ATRN: variants seen among roughly 807,000 people sequenced by gnomAD.
ATRN encodes attractin, also known as attractin-2.
Under a neutral mutation model 178.7 loss-of-function variants are expected in ATRN, and 54 were observed. The observed-to-expected ratio is 0.30, with a 90% confidence interval of 0.24 to 0.38. The LOEUF (loss-of-function observed/expected upper bound fraction) is 0.38, where lower values mean the gene tolerates loss of function less well. ATRN is among the 10% of genes least tolerant of loss of function. The probability of loss-of-function intolerance (pLI) is 1.00; values close to 1 mark genes in which losing one functional copy is unlikely to be tolerated. For missense variants in ATRN, 1,443 were observed against 1,815.1 expected (o/e 0.79, Z 3.73); for synonymous variants, 636 against 663.0 (o/e 0.96, Z 0.63).
intron 3 of ATRN, among the ~76,000 whole-genome samples, chr20:3,542,096 A>G (rs1384418324): frequency 6.6e-6 from 1 of 152,224 alleles, no homozygotes; most frequent in Non-Finnish European, 1.5e-5. Context: ...AGCAGGGTGG[A>G]TGGCTGTGCT....
intron 24 of ATRN, among the ~76,000 whole-genome samples, chr20:3,611,042 A>G (rs1188858442): frequency 1.3e-5 from 2 of 152,192 alleles, no homozygotes; most frequent in Non-Finnish European, 1.5e-5. Context: ...TTAACGCAAT[A>G]TTGATCACAG....
intron 1 of ATRN, chr20:3,490,907 G>T: frequency 8.5e-7 from 1 of 1,171,604 alleles, no homozygotes; most frequent in Non-Finnish European, 1.3e-6. Context: ...GATCAGAATT[G>T]AGCGTGGACT....
At chr20:3,559,586 G>T in intron 7 of ATRN, 103 bp downstream of exon 7, 4 of 925,660 alleles carry the variant, frequency 4.3e-6, no homozygotes, top group Non-Finnish European at 6.7e-6. Context: ...TTTTAATTGG[G>T]GAAAACTTTT....
At position 3,582,289 on chromosome 20, in the gene ATRN, G is replaced by A. The variant is rs779689401; in HGVS notation, c.2699G>A (p.Ser900Asn). Residue 900 changes from serine (S) to asparagine (N), a missense_variant, in exon 16 of 29, where the codon AGT becomes AAT. Coordinates refer to ENST00000262919, the MANE Select transcript of ATRN (RefSeq NM_139321.3). ...TTCTGTGGAATTTTATCAGAACCCA[G>A]TACTCGGGGACTGAAGGCTGCAACC... ...AGFCGILSEP[S>N]TRGLKAATCI... is the part of the protein sequence containing the mutation. 4.3e-6 allele frequency: 7 copies of A among 1,612,852 alleles called. No individual in the cohort carries two copies. The highest frequency in any genetic ancestry group is 5.9e-6 in the Non-Finnish European group (7 of 1,180,020).
At chr20:3,481,791 CTTTTTTTTTT>C (rs780144563) in intron 1 of ATRN, among the ~76,000 whole-genome samples, 17 of 100,522 alleles carry the variant, frequency 1.7e-4, no homozygotes, top group African/African-American at 6.2e-4. Context: ...GGTGAATTTC[CTTTTTTTTTT>C]TTTTTTTTTT....
At chr20:3,523,806 C>A (rs974656565) in intron 1 of ATRN, among the ~76,000 whole-genome samples, 3 of 152,136 alleles carry the variant, frequency 2.0e-5, no homozygotes, top group Non-Finnish European at 2.9e-5. Context: ...AATTTCATAT[C>A]CAGCCAAACT....
At chr20:3,582,907 C>T (rs1568744609) in intron 16 of ATRN, among the ~76,000 whole-genome samples, 1 of 152,146 alleles carries the variant, frequency 6.6e-6, no homozygotes, top group Non-Finnish European at 1.5e-5. Context: ...CTTTCAGTCT[C>T]TCTGGGCTAC....
intron 22 of ATRN, among the ~76,000 whole-genome samples, chr20:3,600,487 ATATAATC>A (rs1483530828): frequency 5.3e-5 from 8 of 152,190 alleles, no homozygotes; most frequent in African/African-American, 1.9e-4. Context: ...TTTACACTGT[ATATAATC>A]TATGAGTTTA....
chr20:3,551,144 T>G (rs2085780737), intron 6 of ATRN, among the ~76,000 whole-genome samples: 1 of 152,228 alleles, frequency 6.6e-6, no homozygotes, highest in Non-Finnish European at 1.5e-5. Context: ...CTCAGCAGAT[T>G]GGAGCTGTCT....
At chr20:3,521,105 A>T (rs955963575) in intron 1 of ATRN, among the ~76,000 whole-genome samples, 1 of 152,100 alleles carries the variant, frequency 6.6e-6, no homozygotes, top group Admixed American at 6.6e-5. Context: ...TTGAGAGGGG[A>T]GGTTGGGAGG....
chr20:3,490,053 T>C lies in ATRN; in HGVS notation c.410+18536T>C. The C allele has an allele frequency of 6.0e-6, 7 of 1,164,896 alleles. No individual in the cohort carries two copies. The South Asian group carries it at 7.3e-5, about 12-fold the overall frequency. 72.2% of individuals were successfully genotyped at this position (1,164,896 alleles called of 1,614,324 possible). On this transcript the variant is annotated intron_variant, in intron 1 of 28. Transcript: ENST00000262919. ...CAGAGTATTCATAGATCTGGGCTTC[T>C]AGAAAAGCAATGTCTTTGTTCTCTC...
In ATRN at chr20:3,578,769, C is replaced by T; in HGVS notation, c.2541C>T (p.Ser847=). ...KQLRIMQSSQ[S]MSKLTLTPWV... ...TGCGAATAATGCAGTCATCTCAGAGCATGGTGAGTTAAAATCCTCAAAACT... is the reference window on the plus strand; with the variant it reads ...TGCGAATAATGCAGTCATCTCAGAGTATGGTGAGTTAAAATCCTCAAAACT... Residue 847 remains serine (S), a synonymous_variant, in exon 15 of 29, where the codon AGC becomes AGT. Coordinates refer to ENST00000262919, the MANE Select transcript of ATRN (RefSeq NM_139321.3). 1 of 1,608,566 alleles carries T rather than the reference C, an allele frequency of 6.2e-7. No individual in the cohort carries two copies. The highest frequency in any genetic ancestry group is 2.2e-5 in the East Asian group (1 of 44,838).
chr20:3,564,046 C>G (rs150145809), intron 10 of ATRN, among the ~76,000 whole-genome samples: 246 of 152,286 alleles, frequency 1.6e-3, no homozygotes, highest in African/African-American at 5.6e-3. Context: ...TCTTCCTCCC[C>G]ACAATGCCTG....
At position 3,634,390 on chromosome 20, in the gene ATRN, G is replaced by A. The variant is rs1332277416; in HGVS notation, c.3942+1G>A. The A allele has an allele frequency of 6.2e-7, 1 of 1,611,100 alleles. No individual in the cohort carries two copies. The highest frequency in any genetic ancestry group is 2.2e-5 in the East Asian group (1 of 44,842). On this transcript the variant is annotated splice_donor_variant, in intron 26 of 28. Coordinates refer to ENST00000262919, the MANE Select transcript of ATRN (RefSeq NM_139321.3). LOFTEE classifies it high-confidence loss of function. ...TTGTTGGGCCTCCAGACGTAGAGAG[G>A]TAAGCTTCAGTGGGTAAAGATTAAA... is the stretch of plus-strand genomic sequence containing the variant.
rs558351360 is a variant in ATRN at position 3,647,234 on chromosome 20, A to G, written c.*387A>G. 2 of 155,124 alleles carry G rather than the reference A, an allele frequency of 1.3e-5. No homozygotes were observed. The highest frequency in any genetic ancestry group is 3.8e-4 in the East Asian group (2 of 5,278). 9.6% of individuals were successfully genotyped at this position (155,124 alleles called of 1,614,324 possible). A position where few individuals can be genotyped will look rare whatever the true frequency, so the allele number is the denominator to read the frequency against. Reference sequence around the variant, plus strand: ...GAGTGTTTACAAGTAGACATTCGTCATCAGTTGTTCTTGAACATGGTCTTT... The same window carrying G: ...GAGTGTTTACAAGTAGACATTCGTCGTCAGTTGTTCTTGAACATGGTCTTT... On this transcript the variant is annotated 3_prime_UTR_variant, in exon 29 of 29. Coordinates refer to ENST00000262919, the MANE Select transcript of ATRN (RefSeq NM_139321.3).
intron 1 of ATRN, among the ~76,000 whole-genome samples, chr20:3,524,255 G>T (rs963633300): frequency 6.6e-6 from 1 of 151,294 alleles, no homozygotes; most frequent in Non-Finnish European, 1.5e-5. Flanking sequence ...AAAAAGCAGG[G>T]GTTGCAATCC....
At position 3,646,594 on chromosome 20, in the gene ATRN, T is replaced by C. The variant is rs74564633; in HGVS notation, c.4166-129T>C. On this transcript the variant is annotated intron_variant, in intron 28 of 28. Transcript: ENST00000262919. Reference sequence around the variant, plus strand: ...TGTGTATGTGTACCTTTTTGGGGGTTTTTTGTTCTGGTTTTTTGGTTTGTT... The same window carrying C: ...TGTGTATGTGTACCTTTTTGGGGGTCTTTTGTTCTGGTTTTTTGGTTTGTT... The C allele has an allele frequency of 2.5e-3, 3,345 of 1,332,020 alleles. 88 individuals are homozygous for C. In the African/African-American group the frequency reaches 0.045, roughly 18 times the overall value. The allele number at this position is 1,332,020 out of a possible 1,614,324, so 82.5% of individuals were successfully genotyped here. A position where few individuals can be genotyped will look rare whatever the true frequency, so the allele number is the denominator to read the frequency against.
At chr20:3,625,032 G>A (rs1347875687) in intron 25 of ATRN, among the ~76,000 whole-genome samples, 4 of 151,720 alleles carry the variant, frequency 2.6e-5, no homozygotes, top group African/African-American at 4.8e-5. Context: ...AGTTTTTTTC[G>A]TAGTCTAATT....
chr20:3,544,703 A>T (rs1249467822), intron 3 of ATRN, among the ~76,000 whole-genome samples: 1 of 152,190 alleles, frequency 6.6e-6, no homozygotes, highest in South Asian at 2.1e-4. Context: ...GGCAGAGTGA[A>T]GTGGGATGGA....
Sources: allele counts gnomAD v4.1 joint callset (sites outside exome capture counted in the v4.1 genomes callset), GRCh38; gene constraint gnomAD v4.1.1; transcripts MANE v1.5; gene names NCBI Gene and HGNC (gene_info 2026-07-23, HGNC 2026-07-21).